ANK1: variants seen among roughly 807,000 people sequenced by gnomAD.
The protein encoded by ANK1 is ankyrin-1.
ANK1 carries 51 observed loss-of-function variants against 210.4 expected under a neutral mutation model. That is an observed-to-expected ratio of 0.24 (90% CI 0.19 to 0.31). The LOEUF (loss-of-function observed/expected upper bound fraction) is 0.31, where lower values mean the gene tolerates loss of function less well. Ranked by LOEUF, ANK1 falls within the 10% of genes least tolerant of loss-of-function variation. ANK1 has a pLI of 1.00. For synonymous variants in ANK1, 967 were observed against 1,025.9 expected (o/e 0.94, Z 1.10); for missense variants, 2,051 against 2,504.4 (o/e 0.82, Z 3.86).
intron 1 of ANK1, among the ~76,000 whole-genome samples, chr8:41,870,448 G>A (rs1217091749): frequency 6.6e-6 from 1 of 152,150 alleles, no homozygotes; most frequent in Admixed American, 6.5e-5. Context: ...CCAGGGACAT[G>A]AGCGTCCCTC....
rs368689491 is a variant in ANK1 at position 41,878,764 on chromosome 8, C to CA, written c.126+17590dup. 2.3e-3 allele frequency among the ~76,000 whole-genome samples: 346 copies of CA among 152,068 alleles called. 4 individuals are homozygous for CA. Among genetic ancestry groups the CA allele is most frequent in the African/African-American group, 8.0e-3 (331 of 41,476 alleles). ...GATAAAGCCAGCCTTGCCTACATGT[C>CA]AAAAAAATAAAAGAGGGGCCAGGCG... is the stretch of plus-strand genomic sequence containing the variant. On this transcript the variant is annotated intron_variant, in intron 1 of 42. Coordinates refer to the ANK1 transcript ENST00000265709.
chr8:41,775,465 A>T (rs1217051821), intron 1 of ANK1, among the ~76,000 whole-genome samples: 6 of 152,234 alleles, frequency 3.9e-5, no homozygotes, highest in Non-Finnish European at 8.8e-5. Flanking sequence ...TGAACCATCC[A>T]TTGGGAACTA....
At chr8:41,886,143 G>A (rs1818403948) in intron 1 of ANK1, among the ~76,000 whole-genome samples, 1 of 152,180 alleles carries the variant, frequency 6.6e-6, no homozygotes, top group Non-Finnish European at 1.5e-5. Flanking sequence ...TCAGGGCTCA[G>A]GTGCAGACAT....
At chr8:41,711,232 A>G (rs1156315988) in intron 16 of ANK1, among the ~76,000 whole-genome samples, 1 of 152,232 alleles carries the variant, frequency 6.6e-6, no homozygotes, top group East Asian at 1.9e-4. Context: ...ACGGAGCACC[A>G]GTCAGCGCTG....
At chr8:41,826,793 A>AT (rs967374601) in intron 1 of ANK1, among the ~76,000 whole-genome samples, 3 of 150,730 alleles carry the variant, frequency 2.0e-5, no homozygotes, top group Non-Finnish European at 4.4e-5. Flanking sequence ...TGTACCCTTC[A>AT]TTTTTTTTTC....
intron 1 of ANK1, among the ~76,000 whole-genome samples, chr8:41,808,178 C>A (rs1013331275): frequency 6.6e-6 from 1 of 152,220 alleles, no homozygotes; most frequent in East Asian, 1.9e-4. Flanking sequence ...GCTGCACCAA[C>A]TCAGACAGCT....
At chr8:41,750,388 C>G (rs373786091) in intron 2 of ANK1, among the ~76,000 whole-genome samples, 1 of 152,174 alleles carries the variant, frequency 6.6e-6, no homozygotes, top group African/African-American at 2.4e-5. Flanking sequence ...GCCAAATACT[C>G]GACCCGTGGG....
chr8:41,684,169 G>A (rs1206706483), intron 37 of ANK1, among the ~76,000 whole-genome samples: 5 of 152,354 alleles, frequency 3.3e-5, no homozygotes, highest in East Asian at 3.9e-4. Context: ...GAGGGCCCAC[G>A]CCTTGCAAAG....
In ANK1 at chr8:41,693,008, G is replaced by C. The variant is rs1193883514; in HGVS notation, c.3629+97C>G. 4 of 1,514,514 alleles carry C rather than the reference G, an allele frequency of 2.6e-6. No individual in the cohort carries two copies. The African/African-American group carries it at 5.5e-5, about 21-fold the overall frequency. 93.8% of individuals were successfully genotyped at this position (1,514,514 alleles called of 1,614,324 possible). A position where few individuals can be genotyped will look rare whatever the true frequency, so the allele number is the denominator to read the frequency against. On this transcript the variant is annotated intron_variant, in intron 30 of 42. Coordinates refer to ENST00000289734, the MANE Select transcript of ANK1 (RefSeq NM_000037.4). ...CTGTGGTCACGGAGGCTTCCACATG[G>C]AGGGGACAGTGAGGGAGCCTCAGCC...
intron 37 of ANK1, among the ~76,000 whole-genome samples, chr8:41,683,455 G>A (rs73675104): frequency 0.011 from 1,733 of 152,242 alleles, 44 homozygotes; most frequent in African/African-American, 0.04. Context: ...CCTGGGACTC[G>A]CCCTCAGCCG....
At chr8:41,723,406 G>A (rs1829780185) in intron 8 of ANK1, 129 bp downstream of exon 8, 2 of 1,203,966 alleles carry the variant, frequency 1.7e-6, no homozygotes, top group East Asian at 2.4e-5. Context: ...CCAGAATACT[G>A]CTGCAGGCGG....
At chr8:41,700,812 G>T (rs902421124) in intron 22 of ANK1, among the ~76,000 whole-genome samples, 4 of 152,206 alleles carry the variant, frequency 2.6e-5, no homozygotes, top group Admixed American at 6.5e-5. Context: ...ACCCTGGCTG[G>T]AGTGCAGTGG....
chr8:41,807,794 G>A (rs1194586989), intron 1 of ANK1, among the ~76,000 whole-genome samples: 1 of 152,122 alleles, frequency 6.6e-6, no homozygotes, highest in African/African-American at 2.4e-5. Flanking sequence ...GCCAGATCAT[G>A]TCTCCAAAAC....
intron 35 of ANK1, among the ~76,000 whole-genome samples, chr8:41,687,097 A>G (rs1817893354): frequency 6.6e-6 from 1 of 152,204 alleles, no homozygotes; most frequent in African/African-American, 2.4e-5. Context: ...CCTTTCCACA[A>G]GTCATTGCCA....
intron 2 of ANK1, among the ~76,000 whole-genome samples, chr8:41,737,120 GA>G (rs1418486558): frequency 6.6e-6 from 1 of 152,192 alleles, no homozygotes; most frequent in Non-Finnish European, 1.5e-5. Context: ...ACAGCATGGA[GA>G]AACTCTGTCT....
chr8:41,699,545 T>G lies in ANK1; in HGVS notation c.2465A>C (p.Glu822Ala). The change falls in exon 23 of 43, where the codon GAA (glutamate) becomes GCA (alanine). Residue 822 changes from glutamate to alanine, a missense_variant. Physicochemically the swap from Glu to Ala is moderately radical, Grantham distance 107. Around this residue, in one of 6 missense-constraint regions of ANK1, gnomAD observed 1,413 missense variants for 1,707.4 expected, o/e 0.83. Transcript: ENST00000289734. ...CTCAGCCTTGAAGCTGATGAGTTCT[T>G]CCCCTGAAACAGCAAGAGCTCAAGT... Reference protein sequence around the residue: ...EILDVSEDEGEELISFKAERR... With the variant: ...EILDVSEDEGAELISFKAERR... 2 of 1,613,750 alleles carry G rather than the reference T, an allele frequency of 1.2e-6. No individual in the cohort carries two copies. The highest frequency in any genetic ancestry group is 1.1e-5 in the South Asian group (1 of 91,068).
intron 37 of ANK1, among the ~76,000 whole-genome samples, chr8:41,678,096 A>G (rs1814784770): frequency 1.3e-5 from 2 of 151,688 alleles, no homozygotes; most frequent in Non-Finnish European, 2.9e-5. Flanking sequence ...CTATGTCTTC[A>G]TGATTTTTAT....
intron 1 of ANK1, among the ~76,000 whole-genome samples, chr8:41,845,201 A>G (rs2150807664): frequency 6.6e-6 from 1 of 152,218 alleles, no homozygotes; most frequent in South Asian, 2.1e-4. Context: ...CCTGTCCAAC[A>G]TGGTGAAACC....
At chr8:41,763,889 CTTTTTTTTTTTTT>C (rs869100297) in intron 1 of ANK1, among the ~76,000 whole-genome samples, 59 of 57,822 alleles carry the variant, frequency 1.0e-3, no homozygotes, top group African/African-American at 3.7e-3. Context: ...TTCTTTTTTT[CTTTTTTTTTTTTT>C]TTTTTTTTTT....
Sources: gnomAD v4.1 joint callset for allele counts (sites outside exome capture counted in the v4.1 genomes callset) on GRCh38, gnomAD v4.1.1 for gene constraint, gnomAD v4.1.1 regional missense constraint, MANE v1.5 for transcripts, NCBI Gene and HGNC (gene_info 2026-07-23, HGNC 2026-07-21) for gene names.